The following KCNAB1 variants were observed in gnomAD, a reference collection of about 807,000 sequenced individuals.
KCNAB1 encodes potassium voltage-gated channel subfamily A regulatory beta subunit 1.
In KCNAB1, 35 loss-of-function variants were observed where a neutral mutation model predicts 64.6. The observed-to-expected ratio is 0.54, with a 90% CI of 0.41 to 0.72. The LOEUF (loss-of-function observed/expected upper bound fraction) is 0.72. Among genes scored for constraint, KCNAB1 ranks in the 30% least tolerant of loss-of-function variants. KCNAB1 has a pLI of 0.00. For synonymous variants in KCNAB1, 177 were observed against 183.8 expected, an observed-to-expected ratio of 0.96 and a Z score of 0.30; for missense variants, 401 against 512.9, an observed-to-expected ratio of 0.78 and a Z score of 2.11.
chr3:156,472,331 T>C (rs1713977626), intron 7 of KCNAB1, among the ~76,000 whole-genome samples: 1 of 152,164 alleles, frequency 6.6e-6, no homozygotes. Flanking sequence ...CTGCCTTCAC[T>C]CTTGTGCCTT....
At chr3:156,520,515 C>T (rs1042327771) in intron 11 of KCNAB1, among the ~76,000 whole-genome samples, 6 of 152,114 alleles carry the variant, frequency 3.9e-5, no homozygotes, top group African/African-American at 1.4e-4. Context: ...GAGGTCAAGG[C>T]TGCAGTGAGC....
chr3:156,249,047 T>A lies in KCNAB1; in HGVS notation c.275+128161T>A, dbSNP rs116190727. Among the ~76,000 whole-genome samples, 1,515 of 152,068 alleles carry A rather than the reference T, an allele frequency of 1.0e-2. 26 individuals are homozygous for A. The highest frequency in any genetic ancestry group is 0.035 in the African/African-American group (1,444 of 41,490). On this transcript the variant is annotated intron_variant, in intron 1 of 13. Transcript: ENST00000490337. ...GGTTGTGTTTTTTTTTTTAATTTTT[T>A]AATTTTTTTATTTTTTAGCAAGTAC... is the stretch of plus-strand genomic sequence containing the variant.
intron 1 of KCNAB1, among the ~76,000 whole-genome samples, chr3:156,224,633 CAGAA>C (rs1490359092): frequency 3.9e-5 from 6 of 152,116 alleles, no homozygotes; most frequent in South Asian, 4.2e-4. Context: ...ATAAATGAAA[CAGAA>C]AGCTGATTCT....
upstream of KCNAB1, chr3:156,120,448 A>G (rs1713268196): frequency 1.2e-6 from 1 of 800,150 alleles, no homozygotes; most frequent in Non-Finnish European, 2.0e-6. Flanking sequence ...TTAGAGATAC[A>G]TTTTCATCCC....
intron 1 of KCNAB1, among the ~76,000 whole-genome samples, chr3:156,283,862 T>G (rs1719903925): frequency 6.6e-6 from 1 of 151,972 alleles, no homozygotes; most frequent in Non-Finnish European, 1.5e-5. Flanking sequence ...TAGTTATACA[T>G]TCTTCTAAAT....
chr3:156,524,220 G>T, intron 12 of KCNAB1: 1 of 297,640 alleles, frequency 3.4e-6, no homozygotes, highest in Non-Finnish European at 6.2e-6. Flanking sequence ...ACAGATGTCA[G>T]GGGTGAACTG....
chr3:156,354,120 G>GTATATATATATA (rs34730584), intron 1 of KCNAB1, among the ~76,000 whole-genome samples: 3,539 of 132,358 alleles, frequency 0.027, 66 homozygotes, highest in Non-Finnish European at 0.043. Flanking sequence ...ATGTGTGTGT[G>GTATATATATATA]TATATATATA....
At chr3:156,364,317 C>T (rs921493847) in intron 1 of KCNAB1, among the ~76,000 whole-genome samples, 3 of 152,172 alleles carry the variant, frequency 2.0e-5, no homozygotes, top group African/African-American at 7.2e-5. Flanking sequence ...TAGTTAAGAT[C>T]AGTCCATTTT....
intron 2 of KCNAB1, among the ~76,000 whole-genome samples, chr3:156,422,874 C>T (rs891667873): frequency 1.2e-4 from 18 of 152,066 alleles, no homozygotes; most frequent in African/African-American, 4.1e-4. Context: ...AATAAAGCAA[C>T]CAGCGCAGCA....
intron 1 of KCNAB1, chr3:156,176,033 C>T (rs1201667113): frequency 8.9e-6 from 7 of 790,042 alleles, no homozygotes; most frequent in African/African-American, 6.8e-5. Context: ...ATTTTGCTTC[C>T]ATCAGGTGAC....
intron 1 of KCNAB1, among the ~76,000 whole-genome samples, chr3:156,240,644 T>C (rs1312818356): frequency 1.3e-5 from 2 of 152,220 alleles, no homozygotes; most frequent in Admixed American, 1.3e-4. Context: ...ATTACCATCC[T>C]ATCCGCTTCT....
intron 5 of KCNAB1, among the ~76,000 whole-genome samples, chr3:156,460,790 T>A (rs1203306694): frequency 1.3e-5 from 2 of 152,180 alleles, no homozygotes; most frequent in Non-Finnish European, 2.9e-5. Flanking sequence ...CAAGAGTGGT[T>A]TTATTATGCT....
At chr3:156,467,788 T>A (rs1354203630) in intron 7 of KCNAB1, among the ~76,000 whole-genome samples, 1 of 152,076 alleles carries the variant, frequency 6.6e-6, no homozygotes, top group Non-Finnish European at 1.5e-5. Context: ...GATTCCAGAG[T>A]GGCATTGCTA....
chr3:156,394,073 C>T lies in KCNAB1; in HGVS notation c.276-27543C>T, dbSNP rs148514892. Among the ~76,000 whole-genome samples the T allele has an allele frequency of 4.5e-4, 68 of 152,258 alleles. 3 individuals carry two copies. Among genetic ancestry groups the T allele is most frequent in the African/African-American group, 1.6e-3 (66 of 41,542 alleles). On this transcript the variant is annotated intron_variant, in intron 1 of 13. Transcript: ENST00000490337. ...CTTAACTATTGGAGTGTTAATTAAACACCATTAAATGAGAACAATATGTAC... is the reference window on the plus strand; with the variant it reads ...CTTAACTATTGGAGTGTTAATTAAATACCATTAAATGAGAACAATATGTAC...
chr3:156,210,185 C>T (rs542668800), intron 1 of KCNAB1, among the ~76,000 whole-genome samples: 6 of 152,198 alleles, frequency 3.9e-5, no homozygotes, highest in East Asian at 3.9e-4. Context: ...ATGGGCAGCT[C>T]GCTGACCAGG....
chr3:156,319,923 A>G (rs2108023067), intron 1 of KCNAB1, among the ~76,000 whole-genome samples: 1 of 152,300 alleles, frequency 6.6e-6, no homozygotes, highest in Non-Finnish European at 1.5e-5. Context: ...TAAGTATACC[A>G]TCTGCTTTGA....
chr3:156,439,345 C>T (rs1021233415), intron 2 of KCNAB1, among the ~76,000 whole-genome samples: 10 of 150,194 alleles, frequency 6.7e-5, no homozygotes, highest in Admixed American at 2.0e-4. Context: ...CAATCTCAGG[C>T]GTGTTGGAAG....
chr3:156,388,226 T>A (rs1402575729), intron 1 of KCNAB1, among the ~76,000 whole-genome samples: 1 of 152,190 alleles, frequency 6.6e-6, no homozygotes, highest in Non-Finnish European at 1.5e-5. Flanking sequence ...TAGAACCTTG[T>A]ATCTGGAGCT....
At chr3:156,246,276 G>C (rs940665474) in intron 1 of KCNAB1, among the ~76,000 whole-genome samples, 3 of 151,848 alleles carry the variant, frequency 2.0e-5, no homozygotes, top group Non-Finnish European at 4.4e-5. Context: ...AGTGAGAGCT[G>C]TATGAGACTA....
Sources: allele counts gnomAD v4.1 joint callset (sites outside exome capture counted in the v4.1 genomes callset), GRCh38; gene constraint gnomAD v4.1.1; transcripts MANE v1.5; gene names NCBI Gene and HGNC (gene_info 2026-07-23, HGNC 2026-07-21).